The following NYAP2 variants were observed in gnomAD, a reference collection of about 807,000 sequenced individuals.
The protein encoded by NYAP2 is neuronal tyrosine-phosphorylated phosphoinositide-3-kinase adaptor 2.
In NYAP2, 23 loss-of-function variants were observed where a neutral mutation model predicts 50.4. The observed-to-expected ratio is 0.46, with a 90% confidence interval of 0.33 to 0.65. The LOEUF (loss-of-function observed/expected upper bound fraction) is 0.65, where lower values mean the gene tolerates loss of function less well. Ranked by LOEUF, NYAP2 falls within the 30% of genes least tolerant of loss-of-function variation. The probability of loss-of-function intolerance (pLI) is 0.02; values close to 1 mark genes in which losing one functional copy is unlikely to be tolerated. For missense variants in NYAP2, 885 were observed against 861.0 expected, an observed-to-expected ratio of 1.03 and a Z score of -0.35; for synonymous variants, 394 against 365.2, an observed-to-expected ratio of 1.08 and a Z score of -0.90.
intron 4 of NYAP2, among the ~76,000 whole-genome samples, chr2:225,516,601 C>G (rs1261016051): frequency 6.6e-6 from 1 of 152,018 alleles, no homozygotes; most frequent in African/African-American, 2.4e-5. Flanking sequence ...ATATGCAAAT[C>G]TCTTCTACCA....
the NYAP2 span, among the ~76,000 whole-genome samples, chr2:225,676,763 GAC>G: frequency 1.3e-5 from 2 of 152,048 alleles, no homozygotes; most frequent in Admixed American, 6.6e-5. Flanking sequence ...TTTTGTTGGG[GAC>G]ACAGAGCCAA....
chr2:225,423,115 G>A (rs1042086837), intron 3 of NYAP2, among the ~76,000 whole-genome samples: 1 of 152,040 alleles, frequency 6.6e-6, no homozygotes, highest in Admixed American at 6.6e-5. Context: ...AAGTCTCCAA[G>A]GAGAGATGGT....
chr2:225,622,559 T>TTCTTTCTTTC lies in NYAP2; in HGVS notation c.1619-4357_1619-4356insCTTTCTTTCT, dbSNP rs767090288. On this transcript the variant is annotated intron_variant, in intron 5 of 6. Transcript: ENST00000636099. Reference sequence around the variant, plus strand: ...TTTCTTTCTTTCTTTCTTTCTTTCTTTTTCTTTCTTTCTTTCTTTCTTCTT... The same window carrying TTCTTTCTTTC: ...TTTCTTTCTTTCTTTCTTTCTTTCTTTCTTTCTTTCTTTCTTTCTTTCTTTCTTTCTTCTT... 7.0e-4 allele frequency among the ~76,000 whole-genome samples: 40 copies of TTCTTTCTTTC among 56,870 alleles called. 2 individuals carry two copies. The highest frequency in any genetic ancestry group is 4.8e-3 in the South Asian group (5 of 1,046). The allele number at this position is 56,870 out of a possible 152,430, so 37.3% of individuals were successfully genotyped here.
the NYAP2 span, among the ~76,000 whole-genome samples, chr2:225,674,577 G>A: frequency 9.2e-5 from 14 of 152,030 alleles, no homozygotes; most frequent in Admixed American, 2.6e-4. Context: ...TCAGCAGAGG[G>A]TGCAGGAAAA....
chr2:225,586,563 A>T lies in NYAP2; in HGVS notation c.1618+3528A>T, dbSNP rs139508177. Among the ~76,000 whole-genome samples, 205 of 152,314 alleles carry T rather than the reference A, an allele frequency of 1.3e-3. 1 individual carries two copies. Among genetic ancestry groups the T allele is most frequent in the African/African-American group, 4.8e-3 (199 of 41,574 alleles). ...GCTATTGCTAAAAATTTTTGTGTAAATGGTAAGCAGGTCAGGTACAAATAT... is the reference window on the plus strand; with the variant it reads ...GCTATTGCTAAAAATTTTTGTGTAATTGGTAAGCAGGTCAGGTACAAATAT... On this transcript the variant is annotated intron_variant, in intron 5 of 6. Coordinates refer to ENST00000636099, the Ensembl canonical transcript of NYAP2.
chr2:225,542,531 A>C (rs1691494953), intron 4 of NYAP2, among the ~76,000 whole-genome samples: 2 of 152,086 alleles, frequency 1.3e-5, no homozygotes, highest in Non-Finnish European at 2.9e-5. Flanking sequence ...AAATGATCAT[A>C]TGATTTTTAT....
At chr2:225,632,634 G>A (rs1029979688) in intron 6 of NYAP2, among the ~76,000 whole-genome samples, 13 of 152,132 alleles carry the variant, frequency 8.5e-5, no homozygotes, top group Admixed American at 7.2e-4. Flanking sequence ...TTCCCCACAG[G>A]GTGATTCTTG....
chr2:225,453,970 C>T (rs1689695133), intron 3 of NYAP2, among the ~76,000 whole-genome samples: 1 of 151,768 alleles, frequency 6.6e-6, no homozygotes, highest in Non-Finnish European at 1.5e-5. Flanking sequence ...AGTCACCGCG[C>T]CTGGCCATCT....
At position 225,475,893 on chromosome 2, in the gene NYAP2, T is replaced by C. The variant is rs183698313; in HGVS notation, c.222-37478T>C. On this transcript the variant is annotated intron_variant, in intron 3 of 6. Coordinates refer to ENST00000636099, the Ensembl canonical transcript of NYAP2. ...GGAGAACATGGCACCTTATGGAATATGGAACTCTTCATTTTACAATGAAAG... is the reference window on the plus strand; with the variant it reads ...GGAGAACATGGCACCTTATGGAATACGGAACTCTTCATTTTACAATGAAAG... 2.6e-4 allele frequency among the ~76,000 whole-genome samples: 39 copies of C among 152,304 alleles called. 1 individual carries two copies. The East Asian group carries it at 6.9e-3, about 27-fold the overall frequency.
At chr2:225,604,507 A>C (rs1291962369) in intron 5 of NYAP2, among the ~76,000 whole-genome samples, 1 of 152,188 alleles carries the variant, frequency 6.6e-6, no homozygotes, top group Non-Finnish European at 1.5e-5. Flanking sequence ...ATGAAGAAGC[A>C]CGATCTGAAA....
the NYAP2 span, among the ~76,000 whole-genome samples, chr2:225,683,482 C>G: frequency 6.6e-6 from 1 of 152,150 alleles, no homozygotes; most frequent in Admixed American, 6.5e-5. Context: ...AAAATTCTTT[C>G]CAGTTATTTT....
At chr2:225,453,308 A>G (rs76067252) in intron 3 of NYAP2, among the ~76,000 whole-genome samples, 19,290 of 152,130 alleles carry the variant, frequency 0.13, 2,276 homozygotes, top group African/African-American at 0.31. Context: ...ACTGTTTGCT[A>G]TATCAGTGCT....
intron 2 of NYAP2, among the ~76,000 whole-genome samples, chr2:225,407,995 A>G (rs774112476): frequency 1.3e-5 from 2 of 151,764 alleles, no homozygotes; most frequent in Non-Finnish European, 2.9e-5. Flanking sequence ...TACAGTCTTC[A>G]TCTCTCATAA....
intron 5 of NYAP2, among the ~76,000 whole-genome samples, chr2:225,613,241 C>A: frequency 6.6e-6 from 1 of 152,164 alleles, no homozygotes; most frequent in East Asian, 1.9e-4. Flanking sequence ...TGGTGCAAGT[C>A]TCAGAGTCCA....
At chr2:225,592,660 G>T (rs1574698439) in intron 5 of NYAP2, among the ~76,000 whole-genome samples, 1 of 152,150 alleles carries the variant, frequency 6.6e-6, no homozygotes, top group African/African-American at 2.4e-5. Context: ...CCATGACATT[G>T]TCTGTTTTTC....
the NYAP2 span, among the ~76,000 whole-genome samples, chr2:225,679,600 T>C: frequency 6.7e-6 from 1 of 148,594 alleles, no homozygotes; most frequent in Non-Finnish European, 1.5e-5. Context: ...GTTCAAGCTA[T>C]TCTCCTGCCT....
intron 6 of NYAP2, among the ~76,000 whole-genome samples, chr2:225,637,154 T>G (rs1693433493): frequency 6.6e-6 from 1 of 152,148 alleles, no homozygotes; most frequent in South Asian, 2.1e-4. Context: ...AAGTAAAAAA[T>G]GAAACTCTAC....
At chr2:225,484,761 T>C (rs943272004) in intron 3 of NYAP2, among the ~76,000 whole-genome samples, 2 of 152,402 alleles carry the variant, frequency 1.3e-5, no homozygotes, top group Admixed American at 6.5e-5. Context: ...ATCTTATTAC[T>C]TGAACACGTG....
chr2:225,463,813 T>C (rs1689873230), intron 3 of NYAP2, among the ~76,000 whole-genome samples: 1 of 152,220 alleles, frequency 6.6e-6, no homozygotes, highest in Non-Finnish European at 1.5e-5. Flanking sequence ...AGAGTTTATC[T>C]GGCTGTGGAT....
Sources: allele counts gnomAD v4.1 joint callset (sites outside exome capture counted in the v4.1 genomes callset), GRCh38; gene constraint gnomAD v4.1.1; transcripts MANE v1.5; gene names NCBI Gene and HGNC (gene_info 2026-07-23, HGNC 2026-07-21).